SEMA3C: variants seen among roughly 807,000 people sequenced by gnomAD.
The protein encoded by SEMA3C is semaphorin-3C.
A neutral mutation model predicts 89.4 loss-of-function variants in SEMA3C; 47 were observed. The observed-to-expected ratio is 0.53, with a 90% CI of 0.42 to 0.67. SEMA3C has a LOEUF of 0.67. Among genes scored for constraint, SEMA3C ranks in the 30% least tolerant of loss-of-function variants. SEMA3C has a pLI of 0.00. For synonymous variants in SEMA3C, 310 were observed against 320.2 expected (o/e 0.97, Z 0.34); for missense variants, 839 against 929.1 (o/e 0.90, Z 1.26).
At chr7:80,824,152 CTG>C (rs1484176542) in intron 4 of SEMA3C, among the ~76,000 whole-genome samples, 2 of 152,084 alleles carry the variant, frequency 1.3e-5, no homozygotes, top group African/African-American at 2.4e-5. Context: ...ATGCTTAACT[CTG>C]TTTTATTTTT....
At chr7:80,851,433 AGCG>A (rs1790509023) in intron 2 of SEMA3C, among the ~76,000 whole-genome samples, 1 of 147,478 alleles carries the variant, frequency 6.8e-6, no homozygotes, top group South Asian at 2.2e-4. Flanking sequence ...GAACCTGGGA[AGCG>A]GAGGTTGCAG....
intron 2 of SEMA3C, among the ~76,000 whole-genome samples, chr7:80,838,606 G>A (rs940866407): frequency 6.6e-6 from 1 of 152,144 alleles, no homozygotes. Context: ...TACAAAGATA[G>A]TACTTGGGAC....
intron 4 of SEMA3C, among the ~76,000 whole-genome samples, chr7:80,823,914 T>C (rs1391505143): frequency 6.6e-6 from 1 of 152,066 alleles, no homozygotes; most frequent in African/African-American, 2.4e-5. Flanking sequence ...TGTGAGTACA[T>C]AGGGGCAGAG....
At chr7:80,829,461 A>AT (rs1217228151) in intron 2 of SEMA3C, among the ~76,000 whole-genome samples, 1 of 152,094 alleles carries the variant, frequency 6.6e-6, no homozygotes, top group Non-Finnish European at 1.5e-5. Context: ...TTTATTCATC[A>AT]TTTTAGGATT....
chr7:80,815,018 T>A (rs1183156755), intron 5 of SEMA3C, among the ~76,000 whole-genome samples: 1 of 152,198 alleles, frequency 6.6e-6, no homozygotes. Flanking sequence ...TGAAGATTGT[T>A]CCAATTTACT....
chr7:80,890,830 T>C (rs1223562685), intron 2 of SEMA3C, among the ~76,000 whole-genome samples: 1 of 152,240 alleles, frequency 6.6e-6, no homozygotes, highest in Non-Finnish European at 1.5e-5. Flanking sequence ...TGCCTTAAAC[T>C]GATGCATCAT....
chr7:80,900,940 G>A lies in SEMA3C; in HGVS notation c.103+15739C>T, dbSNP rs77372265. Among the ~76,000 whole-genome samples the A allele has an allele frequency of 4.2e-3, 641 of 152,308 alleles. 5 individuals carry two copies. The highest frequency in any genetic ancestry group is 0.014 in the African/African-American group (585 of 41,558). Reference sequence around the variant, plus strand: ...TTAAGGTGTGCTCCTTAGAACAGAAGATGTTGGATATATTGCCTGAATGGC... The same window carrying A: ...TTAAGGTGTGCTCCTTAGAACAGAAAATGTTGGATATATTGCCTGAATGGC... On this transcript the variant is annotated intron_variant, in intron 2 of 17. Transcript: ENST00000265361.
intron 17 of SEMA3C, among the ~76,000 whole-genome samples, chr7:80,746,183 T>G (rs2117021758): frequency 6.6e-6 from 1 of 152,234 alleles, no homozygotes; most frequent in East Asian, 1.9e-4. Flanking sequence ...ATAATGCACG[T>G]TAAATGTTTT....
intron 16 of SEMA3C, 120 bp downstream of exon 16, chr7:80,751,149 T>G: frequency 2.6e-6 from 2 of 762,666 alleles, no homozygotes; most frequent in Non-Finnish European, 4.3e-6. Flanking sequence ...CCCAGAATTG[T>G]TATAATAAAT....
At chr7:80,842,844 CT>C (rs1790301208) in intron 2 of SEMA3C, among the ~76,000 whole-genome samples, 5 of 152,128 alleles carry the variant, frequency 3.3e-5, no homozygotes. Flanking sequence ...AGTGCAGAAT[CT>C]GTCTTTCTGT....
chr7:80,794,121 C>A (rs1789007371), intron 11 of SEMA3C, among the ~76,000 whole-genome samples: 1 of 152,020 alleles, frequency 6.6e-6, no homozygotes, highest in Non-Finnish European at 1.5e-5. Context: ...TGCTCCAGTC[C>A]TACTAACCCA....
intron 2 of SEMA3C, among the ~76,000 whole-genome samples, chr7:80,880,959 C>T (rs914573215): frequency 1.3e-5 from 2 of 151,840 alleles, no homozygotes; most frequent in South Asian, 2.1e-4. Flanking sequence ...TAAATCGGAT[C>T]GCAGAAAGAA....
At chr7:80,767,759 T>C (rs1395913593) in intron 12 of SEMA3C, among the ~76,000 whole-genome samples, 1 of 151,984 alleles carries the variant, frequency 6.6e-6, no homozygotes, top group African/African-American at 2.4e-5. Flanking sequence ...GTACAGGACT[T>C]TACAACCAGA....
At chr7:80,802,811 G>A in intron 8 of SEMA3C, 32 bp from the exon 9 acceptor site, 3 of 1,509,598 alleles carry the variant, frequency 2.0e-6, no homozygotes, top group Non-Finnish European at 2.8e-6. Flanking sequence ...AATTCAGATT[G>A]CTTAAGTAAA....
At chr7:80,852,832 C>G (rs906210173) in intron 2 of SEMA3C, among the ~76,000 whole-genome samples, 4 of 151,996 alleles carry the variant, frequency 2.6e-5, no homozygotes, top group Non-Finnish European at 5.9e-5. Flanking sequence ...GTGCCCACCA[C>G]CACGCCTGGC....
chr7:80,873,372 T>G (rs1791118340), intron 2 of SEMA3C, among the ~76,000 whole-genome samples: 1 of 152,204 alleles, frequency 6.6e-6, no homozygotes, highest in Admixed American at 6.5e-5. Context: ...GCACAGTGCT[T>G]TATTACTATC....
Position 80,744,754 on chromosome 7 carries a change from A to T in SEMA3C, c.*140T>A. ...ATACAAGAAAATGCATGCTCATTTC[A>T]GTTCGTGTAAAACTCACTTCAGGAG... On this transcript the variant is annotated 3_prime_UTR_variant, in exon 18 of 18. Transcript: ENST00000265361. 1.2e-6 allele frequency: 1 copy of T among 863,604 alleles called. No individual in the cohort carries two copies. Among genetic ancestry groups the T allele is most frequent in the Non-Finnish European group, 1.8e-6 (1 of 541,714 alleles). The allele number at this position is 863,604 out of a possible 1,614,324, so 53.5% of individuals were successfully genotyped here.
At chr7:80,814,037 CAT>C (rs1789536657) in intron 5 of SEMA3C, among the ~76,000 whole-genome samples, 1 of 151,344 alleles carries the variant, frequency 6.6e-6, no homozygotes, top group African/African-American at 2.4e-5. Context: ...CCAGAACCAA[CAT>C]AGTCTTTTTT....
At chr7:80,912,043 A>G (rs144632898) in intron 2 of SEMA3C, among the ~76,000 whole-genome samples, 160 of 152,300 alleles carry the variant, frequency 1.1e-3, no homozygotes, top group African/African-American at 3.6e-3. Context: ...TCCCAATTGT[A>G]GGAACCTTGT....
Sources: allele counts gnomAD v4.1 joint callset (sites outside exome capture counted in the v4.1 genomes callset), GRCh38; gene constraint gnomAD v4.1.1; transcripts MANE v1.5; gene names NCBI Gene and HGNC (gene_info 2026-07-23, HGNC 2026-07-21).